PROSER2: variants seen among roughly 807,000 people sequenced by gnomAD.
PROSER2 encodes the protein proline and serine-rich protein 2.
PROSER2 carries 18 observed loss-of-function variants against 14.6 expected under a neutral mutation model. The observed-to-expected ratio is 1.23, with a 90% CI of 0.85 to 1.83. The LOEUF is 1.83. Among genes scored for constraint, PROSER2 ranks in the 40% most tolerant of loss-of-function variants. The probability of loss-of-function intolerance (pLI) is 0.00; values close to 1 mark genes in which losing one functional copy is unlikely to be tolerated. For synonymous variants in PROSER2, 367 were observed against 286.4 expected (o/e 1.28, Z -2.84); for missense variants, 823 against 629.8 (o/e 1.31, Z -3.28).
At chr10:11,858,924 G>A (rs760726222) in intron 2 of PROSER2, among the ~76,000 whole-genome samples, 18 of 146,090 alleles carry the variant, frequency 1.2e-4, no homozygotes, top group African/African-American at 3.6e-4. Context: ...CAGGAGAATC[G>A]CTTGAACCCA....
chr10:11,846,483 TCTAG>T (rs1413963981), intron 1 of PROSER2, among the ~76,000 whole-genome samples: 1 of 152,260 alleles, frequency 6.6e-6, no homozygotes, highest in African/African-American at 2.4e-5. Flanking sequence ...TCATTCTCTC[TCTAG>T]CTATATTTGA....
rs1197851561 is a variant in PROSER2, at chr10:11,862,383, C to T, written c.139-4148C>T. Among the ~76,000 whole-genome samples, 2 of 152,200 alleles carry T rather than the reference C, an allele frequency of 1.3e-5. No individual in the cohort carries two copies. Among genetic ancestry groups the T allele is most frequent in the Admixed American group, 6.5e-5 (1 of 15,276 alleles). On this transcript the variant is annotated intron_variant, in intron 2 of 3. Coordinates refer to ENST00000277570, the MANE Select transcript of PROSER2 (RefSeq NM_153256.4). This position sits in a 1 kb window ranked among gnomAD's most constrained non-coding sequence, Gnocchi z 4.2. ...TAAGAACTCCAACAAAACTGGAGGA[C>T]TCTGCCAGATATCAAGACTTACTAT...
At chr10:11,845,653 A>AAGGGAGGGAGCTGTGGAACCC (rs1833913235) in intron 1 of PROSER2, among the ~76,000 whole-genome samples, 1 of 152,128 alleles carries the variant, frequency 6.6e-6, no homozygotes, top group Non-Finnish European at 1.5e-5. Context: ...CCCTCGGGGA[A>AAGGGAGGGAGCTGTGGAACCC]AGGGAGGGAG....
intron 1 of PROSER2, among the ~76,000 whole-genome samples, chr10:11,845,985 G>T (rs1160353819): frequency 6.6e-6 from 1 of 152,076 alleles, no homozygotes; most frequent in East Asian, 1.9e-4. Context: ...ATTCATTCAT[G>T]CATTCATTCA....
intron 1 of PROSER2, among the ~76,000 whole-genome samples, chr10:11,834,183 CAG>C (rs1389218591): frequency 6.6e-6 from 1 of 151,016 alleles, no homozygotes; most frequent in Non-Finnish European, 1.5e-5. Flanking sequence ...TTAGTAAAGA[CAG>C]GGTTTCACCA....
At chr10:11,855,473 C>CAAAAAAA (rs71380787) in intron 2 of PROSER2, among the ~76,000 whole-genome samples, 1 of 102,648 alleles carries the variant, frequency 9.7e-6, no homozygotes, top group African/African-American at 4.0e-5. Context: ...GACTCCATCT[C>CAAAAAAA]AAAAAAAAAA....
chr10:11,859,756 A>G (rs1384689763), intron 2 of PROSER2, among the ~76,000 whole-genome samples: 1 of 152,218 alleles, frequency 6.6e-6, no homozygotes, highest in African/African-American at 2.4e-5. Flanking sequence ...GTCACATAGC[A>G]TACAGTTCAC....
At position 11,862,962 on chromosome 10, in the gene PROSER2, A is replaced by G. The variant is rs1834272453; in HGVS notation, c.139-3569A>G. 6.6e-6 allele frequency: 1 copy of G among 152,120 alleles called. No homozygotes were observed. The highest frequency in any genetic ancestry group is 1.5e-5 in the Non-Finnish European group (1 of 68,028). The allele number at this position is 152,120 out of a possible 1,614,324, so 9.4% of individuals were successfully genotyped here. ...AAAGCAAGTGTCAGTCAGTACAACC[A>G]CTTCGGAAAGCTGTGTCCACCCACC... On this transcript the variant is annotated intron_variant, in intron 2 of 3. Transcript: ENST00000277570. This position sits in a 1 kb window ranked among gnomAD's most constrained non-coding sequence, Gnocchi z 4.2.
At chr10:11,834,087 C>T (rs1396328476) in intron 1 of PROSER2, among the ~76,000 whole-genome samples, 1 of 140,310 alleles carries the variant, frequency 7.1e-6, no homozygotes, top group Admixed American at 7.7e-5. Flanking sequence ...CTCTGCTTCT[C>T]GGGTTCAAGC....
Position 11,852,195 on chromosome 10 carries a change from C to A in PROSER2, c.118C>A (p.Arg40Ser). 1 of 1,611,792 alleles carries A rather than the reference C, an allele frequency of 6.2e-7. No individual in the cohort carries two copies. Residue 40 changes from arginine (R) to serine (S), a missense_variant, in exon 2 of 4, where the codon CGC (arginine) becomes AGC (serine). Arg to Ser is a moderately radical substitution (Grantham distance 110, BLOSUM62 -1). Coordinates refer to ENST00000277570, the MANE Select transcript of PROSER2 (RefSeq NM_153256.4). ...CCTGGAGAGTCGAAGCAGCAGCTCT[C>A]GCTCCAGAAGCTTCACTTTGGTGAG... The part of the protein sequence containing the change: ...GSLESRSSSS[R>S]SRSFTLDDES...
chr10:11,831,650 T>G (rs1044403859), intron 1 of PROSER2: 4 of 152,238 alleles, frequency 2.6e-5, no homozygotes, highest in Non-Finnish European at 5.9e-5. Context: ...CCCCTCGCCT[T>G]CCTTCTGGGT....
In PROSER2 at chr10:11,866,385, C is replaced by T. The variant is rs764967280; in HGVS notation, c.139-146C>T. On this transcript the variant is annotated intron_variant, in intron 2 of 3. Transcript: ENST00000277570. The surrounding 1 kb of genome is among the most constrained non-coding windows in gnomAD (Gnocchi z 6.0). ...TCCATCTGGGTGATGGAGAGGCACA[C>T]GCAGGCACTGTGTGGCAGGGTACTC... 2.5e-4 allele frequency: 220 copies of T among 896,416 alleles called. 1 individual carries two copies. The East Asian group carries it at 3.1e-3, about 13-fold the overall frequency. 55.5% of individuals were successfully genotyped at this position (896,416 alleles called of 1,614,324 possible).
In PROSER2 at chr10:11,852,216, G is replaced by T. The variant is rs1450469147; in HGVS notation, c.138+1G>T. 2 of 1,599,246 alleles carry T rather than the reference G, an allele frequency of 1.3e-6. No homozygotes were observed. Among genetic ancestry groups the T allele is most frequent in the Admixed American group, 1.7e-5 (1 of 58,470 alleles). On this transcript the variant is annotated splice_donor_variant, in intron 2 of 3. Transcript: ENST00000277570. LOFTEE classifies it high-confidence loss of function. ...CTCTCGCTCCAGAAGCTTCACTTTG[G>T]TGAGTGACAGTTTTTCTTTCATGCT...
intron 3 of PROSER2, among the ~76,000 whole-genome samples, chr10:11,867,886 G>C (rs1834386273): frequency 6.6e-6 from 1 of 152,144 alleles, no homozygotes. Context: ...TGTGGCCAAG[G>C]GTTTAACATT....
At position 11,870,219 on chromosome 10, in the gene PROSER2, T is replaced by A; in HGVS notation, c.1121T>A (p.Leu374Gln). 1 of 1,490,758 alleles carries A rather than the reference T, an allele frequency of 6.7e-7. No individual in the cohort carries two copies. Among genetic ancestry groups the A allele is most frequent in the Admixed American group, 2.2e-5 (1 of 45,362 alleles). 92.3% of individuals were successfully genotyped at this position (1,490,758 alleles called of 1,614,324 possible). A position where few individuals can be genotyped will look rare whatever the true frequency, so the allele number is the denominator to read the frequency against. ...CTCTGCTTCCGCCCTGGCCCGGCCC[T>A]GCCCAGCACGCGGGCCCGTCAGAGC... ...KSLCFRPGPA[L>Q]PSTRARQSFP... The change falls in exon 4 of 4, where the codon CTG becomes CAG. Residue 374 changes from leucine to glutamine, a missense_variant. Leu to Gln is a moderately radical substitution (Grantham distance 113, BLOSUM62 -2). Transcript: ENST00000277570.
intron 1 of PROSER2, among the ~76,000 whole-genome samples, chr10:11,827,109 C>T (rs564380623): frequency 6.6e-6 from 1 of 150,918 alleles, no homozygotes; most frequent in South Asian, 2.1e-4. Flanking sequence ...TGGTCTCAAA[C>T]TCCTGGGTTC....
chr10:11,869,726 G>A lies in PROSER2; in HGVS notation c.628G>A (p.Ala210Thr). 2 of 1,590,128 alleles carry A rather than the reference G, an allele frequency of 1.3e-6. No individual in the cohort carries two copies. Among genetic ancestry groups the A allele is most frequent in the Non-Finnish European group, 1.7e-6 (2 of 1,169,464 alleles). The change falls in exon 4 of 4, where the codon GCC becomes ACC. Residue 210 changes from alanine (A) to threonine (T), a missense_variant. Physicochemically the swap from Ala to Thr is moderately conservative, Grantham distance 58. Transcript: ENST00000277570. The surrounding 1 kb of genome is among the most constrained non-coding windows in gnomAD (Gnocchi z 4.4). ...KISERMAGNE[A>T]LSPTSPFREG... ...TTCCGAGAGGATGGCGGGGAACGAAGCCCTCTCGCCCACCTCCCCGTTCAG... is the reference window on the plus strand; with the variant it reads ...TTCCGAGAGGATGGCGGGGAACGAAACCCTCTCGCCCACCTCCCCGTTCAG...
At chr10:11,826,574 G>C (rs1048267977) in intron 1 of PROSER2, among the ~76,000 whole-genome samples, 35 of 152,100 alleles carry the variant, frequency 2.3e-4, no homozygotes, top group Admixed American at 1.9e-3. Flanking sequence ...ATGTATTTAT[G>C]TATTTATCTA....
chr10:11,861,285 T>G (rs532980933), intron 2 of PROSER2, among the ~76,000 whole-genome samples: 4 of 152,264 alleles, frequency 2.6e-5, no homozygotes, highest in African/African-American at 9.6e-5. Context: ...CAGACCCCTT[T>G]CCCTGGAAGC....
Sources: gnomAD v4.1 joint callset for allele counts (sites outside exome capture counted in the v4.1 genomes callset) on GRCh38, gnomAD v4.1.1 for gene constraint, Gnocchi (gnomAD v3.1) non-coding constraint, MANE v1.5 for transcripts, NCBI Gene and HGNC (gene_info 2026-07-23, HGNC 2026-07-21) for gene names.